The following HUNK variants were observed in gnomAD, a reference collection of about 807,000 sequenced individuals.
HUNK encodes the protein hormonally up-regulated neu tumor-associated kinase.
In HUNK, 21 loss-of-function variants were observed where a neutral mutation model predicts 61.0. That is an observed-to-expected ratio of 0.34 (90% confidence interval 0.24 to 0.50). The LOEUF (loss-of-function observed/expected upper bound fraction) is 0.50. HUNK is among the 20% of genes least tolerant of loss of function. HUNK has a pLI of 0.98. For synonymous variants in HUNK, 371 were observed against 386.1 expected, an observed-to-expected ratio of 0.96 and a Z score of 0.46; for missense variants, 772 against 945.7, an observed-to-expected ratio of 0.82 and a Z score of 2.41.
rs2053257478 is a variant in HUNK at position 32,003,216 on chromosome 21, T to C, written c.*4032T>C. On this transcript the variant is annotated 3_prime_UTR_variant, in exon 11 of 11. Coordinates refer to ENST00000270112, the MANE Select transcript of HUNK (RefSeq NM_014586.2). ...CTGCAGGGACTAGGTCTTGCATTTT[T>C]AAGTCCTTTTCAAAACTGTGCAGCT... 6.6e-6 allele frequency: 1 copy of C among 152,218 alleles called. No individual in the cohort carries two copies. The highest frequency in any genetic ancestry group is 2.4e-5 in the African/African-American group (1 of 41,462). 9.4% of individuals were successfully genotyped at this position (152,218 alleles called of 1,614,324 possible).
At chr21:31,995,674 G>C in intron 9 of HUNK, 94 bp from the exon 10 acceptor site, 1 of 993,450 alleles carries the variant, frequency 1.0e-6, no homozygotes. Flanking sequence ...AAAAGGTGGA[G>C]TTTCTCTAAT....
rs2052743383 is a variant in HUNK at position 31,938,038 on chromosome 21, T to C, written c.555-2127T>C. 3.3e-5 allele frequency among the ~76,000 whole-genome samples: 5 copies of C among 152,380 alleles called. No homozygotes were observed. In the South Asian group the frequency reaches 6.2e-4, roughly 19 times the overall value. On this transcript the variant is annotated intron_variant, in intron 2 of 10. Transcript: ENST00000270112. The stretch of plus-strand genomic sequence containing the variant: ...CCAGTTTGAACATGGATCTTCCTTC[T>C]CAGCCAGTGCCCAGCCTTAAGGCTA...
At chr21:31,972,177 C>T (rs112407075) in intron 6 of HUNK, among the ~76,000 whole-genome samples, 2,762 of 152,220 alleles carry the variant, frequency 0.018, 80 homozygotes, top group African/African-American at 0.062. Flanking sequence ...GTCTCTCCAC[C>T]CCTCCAGTTA....
intron 9 of HUNK, among the ~76,000 whole-genome samples, chr21:31,995,326 T>C (rs1238324011): frequency 6.6e-6 from 1 of 152,220 alleles, no homozygotes; most frequent in Non-Finnish European, 1.5e-5. Flanking sequence ...CTCCTTGGCT[T>C]GACTGCCCCA....
intron 7 of HUNK, among the ~76,000 whole-genome samples, chr21:31,977,633 A>G (rs1260385407): frequency 2.6e-5 from 4 of 152,262 alleles, no homozygotes; most frequent in Admixed American, 6.5e-5. Flanking sequence ...AAACAAATAC[A>G]TAGCTCATGC....
chr21:31,950,074 C>G (rs1393444119), intron 4 of HUNK, among the ~76,000 whole-genome samples: 1 of 152,180 alleles, frequency 6.6e-6, no homozygotes, highest in African/African-American at 2.4e-5. Flanking sequence ...TGAATCACCA[C>G]CCTCTACTGC....
intron 7 of HUNK, among the ~76,000 whole-genome samples, chr21:31,979,108 C>CT (rs57678620): frequency 0.18 from 25,702 of 142,044 alleles, 3,306 homozygotes; most frequent in African/African-American, 0.34. Flanking sequence ...TTGGCCATTT[C>CT]TTTTTTTTTT....
chr21:31,917,058 G>C (rs959057736), intron 1 of HUNK, among the ~76,000 whole-genome samples: 2 of 152,116 alleles, frequency 1.3e-5, no homozygotes, highest in African/African-American at 4.8e-5. Context: ...GGCCTTGGGG[G>C]ATTTCCATTG....
At chr21:31,957,747 C>G (rs1450437163) in intron 4 of HUNK, among the ~76,000 whole-genome samples, 1 of 152,140 alleles carries the variant, frequency 6.6e-6, no homozygotes, top group Non-Finnish European at 1.5e-5. Flanking sequence ...GTTAAGCTTA[C>G]TCAGAAGGTA....
rs545716805 is a variant in HUNK at position 31,884,997 on chromosome 21, C to T, written c.261+11062C>T. Among the ~76,000 whole-genome samples the T allele has an allele frequency of 4.6e-5, 7 of 152,110 alleles. No individual in the cohort carries two copies. In the East Asian group the frequency reaches 1.2e-3, roughly 25 times the overall value. ...TTTGCCTTGTTGGTCAGGCTGGTCT[C>T]GAACTCCTGACCTGAGGTGATCCAC... On this transcript the variant is annotated intron_variant, in intron 1 of 10. Transcript: ENST00000270112.
intron 8 of HUNK, among the ~76,000 whole-genome samples, chr21:31,984,964 G>C (rs747701376): frequency 6.6e-6 from 1 of 152,182 alleles, no homozygotes; most frequent in Non-Finnish European, 1.5e-5. Context: ...GAAGGTAAAT[G>C]AGGAGCAAAG....
At chr21:31,887,407 T>A (rs575149314) in intron 1 of HUNK, among the ~76,000 whole-genome samples, 4 of 152,236 alleles carry the variant, frequency 2.6e-5, no homozygotes, top group Non-Finnish European at 5.9e-5. Context: ...ATAAGTTTAT[T>A]AGTCTCCTAA....
At chr21:31,991,777 C>T (rs566306269) in intron 9 of HUNK, among the ~76,000 whole-genome samples, 1 of 152,208 alleles carries the variant, frequency 6.6e-6, no homozygotes, top group Non-Finnish European at 1.5e-5. Flanking sequence ...AGAAAACTTA[C>T]CTCAGCTCCC....
At chr21:31,906,516 C>T (rs2052506635) in intron 1 of HUNK, among the ~76,000 whole-genome samples, 1 of 152,138 alleles carries the variant, frequency 6.6e-6, no homozygotes, top group African/African-American at 2.4e-5. Context: ...CTCACTGCAA[C>T]CTCTGCCTCC....
intron 6 of HUNK, among the ~76,000 whole-genome samples, chr21:31,971,225 C>T (rs1034691645): frequency 1.3e-5 from 2 of 152,002 alleles, no homozygotes; most frequent in East Asian, 3.9e-4. Context: ...ATTAGTGCCA[C>T]CACGCCCGGC....
intron 2 of HUNK, among the ~76,000 whole-genome samples, chr21:31,929,838 G>C (rs1020637531): frequency 6.6e-6 from 1 of 152,254 alleles, no homozygotes; most frequent in Non-Finnish European, 1.5e-5. Context: ...CAGTGGAAGA[G>C]AGGAGGCCCT....
intron 2 of HUNK, among the ~76,000 whole-genome samples, chr21:31,927,149 T>A (rs1280385301): frequency 6.6e-6 from 1 of 152,098 alleles, no homozygotes; most frequent in African/African-American, 2.4e-5. Flanking sequence ...CAAGAGATTC[T>A]ACTGCCTCAG....
intron 2 of HUNK, among the ~76,000 whole-genome samples, chr21:31,937,767 A>G (rs572753189): frequency 6.6e-6 from 1 of 152,348 alleles, no homozygotes; most frequent in African/African-American, 2.4e-5. Context: ...ATTCTATTGC[A>G]TTCCTAAAAA....
chr21:31,934,720 C>A (rs1016963928), intron 2 of HUNK, among the ~76,000 whole-genome samples: 1 of 152,094 alleles, frequency 6.6e-6, no homozygotes, highest in Non-Finnish European at 1.5e-5. Context: ...CCATATGTAC[C>A]CAATGTTCAG....
Sources: allele counts gnomAD v4.1 joint callset (sites outside exome capture counted in the v4.1 genomes callset), GRCh38; gene constraint gnomAD v4.1.1; transcripts MANE v1.5; gene names NCBI Gene and HGNC (gene_info 2026-07-23, HGNC 2026-07-21).